The following PPP4R4 variants were observed in gnomAD, a reference collection of about 807,000 sequenced individuals.
PPP4R4 encodes serine/threonine-protein phosphatase 4 regulatory subunit 4.
PPP4R4 carries 70 observed loss-of-function variants against 121.8 expected under a neutral mutation model. The ratio of observed to expected loss-of-function variants is 0.57; its 90% CI spans 0.47 to 0.70. The LOEUF is 0.70. Ranked by LOEUF, PPP4R4 falls within the 30% of genes least tolerant of loss-of-function variation. The pLI, the probability that PPP4R4 is intolerant of heterozygous loss-of-function variation, is 0.00. For missense variants in PPP4R4, 875 were observed against 1,033.6 expected (o/e 0.85, Z 2.10); for synonymous variants, 348 against 355.7 (o/e 0.98, Z 0.24).
chr14:94,228,542 A>G (rs1451683191), intron 3 of PPP4R4, among the ~76,000 whole-genome samples: 1 of 152,178 alleles, frequency 6.6e-6, no homozygotes, highest in African/African-American at 2.4e-5. Flanking sequence ...TGGACATGAT[A>G]GAAAGAGGAT....
chr14:94,265,484 A>G lies in PPP4R4; in HGVS notation c.2284+11A>G, dbSNP rs766580142. On this transcript the variant is annotated intron_variant, in intron 21 of 24. Transcript: ENST00000304338. ...TCACCCCATCGACAAGTAAGAAATA[A>G]CTTCTTTTTATATCTTTTTGTAATT... 13 of 1,583,800 alleles carry G rather than the reference A, an allele frequency of 8.2e-6. No homozygotes were observed. The highest frequency in any genetic ancestry group is 3.4e-5 in the Admixed American group (2 of 59,544).
At chr14:94,219,402 C>T (rs958046756) in intron 3 of PPP4R4, among the ~76,000 whole-genome samples, 1 of 152,032 alleles carries the variant, frequency 6.6e-6, no homozygotes, top group Non-Finnish European at 1.5e-5. Context: ...AATGTGATAC[C>T]AGATGGAAAT....
At chr14:94,269,349 T>C (rs888946945) in intron 23 of PPP4R4, among the ~76,000 whole-genome samples, 1 of 151,162 alleles carries the variant, frequency 6.6e-6, no homozygotes, top group Non-Finnish European at 1.5e-5. Flanking sequence ...TTGGCTGGAG[T>C]GTGGAGTGAG....
rs763195456 is a variant in PPP4R4, at chr14:94,264,913, A to C, written c.2163A>C (p.Gly721=). The C allele has an allele frequency of 3.7e-6, 6 of 1,605,302 alleles. No homozygotes were observed. The highest frequency in any genetic ancestry group is 2.5e-6 in the Non-Finnish European group (3 of 1,177,184). Residue 721 remains glycine, a synonymous_variant, in exon 20 of 25, where the codon GGA becomes GGC. Transcript: ENST00000304338. ...QLEKEKQQND[G]RPMSDKMFEK... is the part of the protein sequence containing the mutation. ...AGAAAGAAAAGCAACAGAATGATGG[A>C]AGGCCCATGAGTGATAAAATGTTTG...
At chr14:94,192,818 A>T (rs1889672617) in intron 2 of PPP4R4, among the ~76,000 whole-genome samples, 1 of 152,194 alleles carries the variant, frequency 6.6e-6, no homozygotes, top group Non-Finnish European at 1.5e-5. Context: ...TGTCCAGGCT[A>T]GGAAAAGAGG....
intron 2 of PPP4R4, among the ~76,000 whole-genome samples, chr14:94,181,439 CAT>C (rs1328332380): frequency 6.6e-6 from 1 of 152,136 alleles, no homozygotes; most frequent in Non-Finnish European, 1.5e-5. Context: ...TGGCTAGAAT[CAT>C]AAAATCACAA....
chr14:94,192,028 C>T (rs1346865471), intron 2 of PPP4R4, among the ~76,000 whole-genome samples: 4 of 152,012 alleles, frequency 2.6e-5, no homozygotes, highest in Non-Finnish European at 4.4e-5. Context: ...ATATACCGCT[C>T]ATATATTGTG....
chr14:94,263,416 A>AT (rs1319382602), intron 19 of PPP4R4, among the ~76,000 whole-genome samples: 2 of 150,462 alleles, frequency 1.3e-5, no homozygotes, highest in Non-Finnish European at 2.9e-5. Context: ...TATCCAATTA[A>AT]TTTTTTTATT....
intron 2 of PPP4R4, among the ~76,000 whole-genome samples, chr14:94,176,638 A>G (rs1888695653): frequency 1.3e-5 from 2 of 151,958 alleles, no homozygotes; most frequent in Admixed American, 1.3e-4. Flanking sequence ...GCCTACTGTC[A>G]TTTCAATTTC....
At chr14:94,228,112 A>G (rs1891821033) in intron 3 of PPP4R4, among the ~76,000 whole-genome samples, 1 of 152,216 alleles carries the variant, frequency 6.6e-6, no homozygotes. Flanking sequence ...ACAAAAGTTT[A>G]GAATAAAACA....
At chr14:94,232,795 A>C (rs1892116071) in intron 5 of PPP4R4, among the ~76,000 whole-genome samples, 1 of 152,118 alleles carries the variant, frequency 6.6e-6, no homozygotes, top group East Asian at 1.9e-4. Context: ...GCGGTGGCTC[A>C]CACCTGTAAT....
At chr14:94,202,739 G>T (rs1209360591) in intron 2 of PPP4R4, among the ~76,000 whole-genome samples, 3 of 152,292 alleles carry the variant, frequency 2.0e-5, no homozygotes, top group East Asian at 3.9e-4. Flanking sequence ...AGCACTTTGG[G>T]AGGCTGAAGC....
At chr14:94,202,254 G>T (rs925430195) in intron 2 of PPP4R4, among the ~76,000 whole-genome samples, 1 of 151,976 alleles carries the variant, frequency 6.6e-6, no homozygotes, top group East Asian at 1.9e-4. Context: ...CACCGCTGAA[G>T]AACTTATTCA....
intron 2 of PPP4R4, among the ~76,000 whole-genome samples, chr14:94,203,519 A>G (rs1255946182): frequency 2.0e-5 from 3 of 152,196 alleles, no homozygotes; most frequent in Admixed American, 1.3e-4. Flanking sequence ...TGTTATAAAC[A>G]TTCATCCACA....
At chr14:94,267,964 C>T (rs191009755) in intron 23 of PPP4R4, among the ~76,000 whole-genome samples, 7 of 152,272 alleles carry the variant, frequency 4.6e-5, no homozygotes, top group Non-Finnish European at 1.0e-4. Context: ...AAAGCATCGA[C>T]ATTCACGTAC....
At chr14:94,228,648 C>A (rs1326928216) in intron 3 of PPP4R4, among the ~76,000 whole-genome samples, 1 of 152,110 alleles carries the variant, frequency 6.6e-6, no homozygotes, top group Non-Finnish European at 1.5e-5. Context: ...TCTCTTGAAG[C>A]CACTTTTTGG....
chr14:94,221,652 T>C (rs1250269483), intron 3 of PPP4R4, among the ~76,000 whole-genome samples: 3 of 152,040 alleles, frequency 2.0e-5, no homozygotes, highest in Non-Finnish European at 4.4e-5. Context: ...TGTTAAAATA[T>C]CTGTACTAAA....
chr14:94,196,651 C>T (rs551288104), intron 2 of PPP4R4, among the ~76,000 whole-genome samples: 2 of 152,062 alleles, frequency 1.3e-5, no homozygotes, highest in South Asian at 2.1e-4. Flanking sequence ...CTTCTTTTCA[C>T]CTTTTATTTC....
chr14:94,264,450 CCTCT>C lies in PPP4R4; in HGVS notation c.2128-425_2128-422del, dbSNP rs1292997242. ...TACTGGTGTGAGCCACTGTGCCCAG[CCTCT>C]CTATGTATATTATACTTAAATAAAG... On this transcript the variant is annotated intron_variant, in intron 19 of 24. Transcript: ENST00000304338. 2.0e-5 allele frequency among the ~76,000 whole-genome samples: 3 copies of C among 152,114 alleles called. No homozygotes were observed. In the East Asian group the frequency reaches 5.8e-4, roughly 29 times the overall value.
Sources: allele counts gnomAD v4.1 joint callset (sites outside exome capture counted in the v4.1 genomes callset), GRCh38; gene constraint gnomAD v4.1.1; transcripts MANE v1.5; gene names NCBI Gene and HGNC (gene_info 2026-07-23, HGNC 2026-07-21).